JPH1: variants seen among roughly 807,000 people sequenced by gnomAD.
JPH1 encodes junctophilin-1.
A neutral mutation model predicts 53.6 loss-of-function variants in JPH1; 12 were observed. That is an observed-to-expected ratio of 0.22 (90% CI 0.14 to 0.36). The LOEUF (loss-of-function observed/expected upper bound fraction) is 0.36. Among genes scored for constraint, JPH1 ranks in the 10% least tolerant of loss-of-function variants. The pLI is 1.00. For missense variants in JPH1, 808 were observed against 905.5 expected, an observed-to-expected ratio of 0.89 and a Z score of 1.38; for synonymous variants, 375 against 363.8, an observed-to-expected ratio of 1.03 and a Z score of -0.35.
At chr8:74,293,149 G>A (rs1807388176) in intron 2 of JPH1, among the ~76,000 whole-genome samples, 1 of 152,132 alleles carries the variant, frequency 6.6e-6, no homozygotes, top group Non-Finnish European at 1.5e-5. Flanking sequence ...ATCTTTCTCA[G>A]AGACCTGAGA....
chr8:74,253,850 C>T (rs1033572843), intron 3 of JPH1, among the ~76,000 whole-genome samples: 16 of 152,074 alleles, frequency 1.1e-4, no homozygotes, highest in Non-Finnish European at 1.5e-4. Context: ...CAGGAAGAAG[C>T]TGAATCTCTG....
Position 74,315,553 on chromosome 8 carries a change from G to T in JPH1, c.447C>A (p.Tyr149Ter). Residue 149 changes from tyrosine (Y) to a stop codon, truncating the protein, a stop_gained, in exon 2 of 6, where the codon TAC (tyrosine) becomes TAA (stop). Coordinates refer to ENST00000342232, the MANE Select transcript of JPH1 (RefSeq NM_020647.4). LOFTEE classifies it high-confidence loss of function. This position sits in a 1 kb window ranked among gnomAD's most constrained non-coding sequence, Gnocchi z 6.3. Reference protein sequence around the residue: ...HGYGVRQSVPYGMATVIRSPL... With the variant: ...HGYGVRQSVP ...GTGAGCGGATCACCGTGGCCATGCC[G>T]TAGGGCACGCTCTGGCGCACGCCGT... 1.2e-6 allele frequency: 2 copies of T among 1,605,994 alleles called. No individual in the cohort carries two copies. Among genetic ancestry groups the T allele is most frequent in the South Asian group, 1.1e-5 (1 of 90,822 alleles).
Position 74,315,361 on chromosome 8 carries a change from C to T in JPH1, c.639G>A (p.Arg213=). The T allele has an allele frequency of 1.2e-6, 2 of 1,612,898 alleles. No homozygotes were observed. Among genetic ancestry groups the T allele is most frequent in the East Asian group, 4.5e-5 (2 of 44,874 alleles). Residue 213 remains arginine (R), a synonymous_variant, in exon 2 of 6, where the codon CGG becomes CGA. Coordinates refer to ENST00000342232, the MANE Select transcript of JPH1 (RefSeq NM_020647.4). This position sits in a 1 kb window ranked among gnomAD's most constrained non-coding sequence, Gnocchi z 6.3. ...LAGKKKGGLF[R]RGSLLGSMKL... is the part of the protein sequence containing the mutation. ...TCATGCTTCCAAGAAGGGAGCCCCT[C>T]CGGAAGAGGCCGCCCTTCTTCTTGC...
chr8:74,263,400 G>C (rs899592285), intron 2 of JPH1, among the ~76,000 whole-genome samples: 8 of 152,174 alleles, frequency 5.3e-5, no homozygotes, highest in Admixed American at 2.6e-4. Flanking sequence ...TTGATTCAGG[G>C]ACCGTCCTTG....
chr8:74,285,175 G>T lies in JPH1; in HGVS notation c.1140-25672C>A, dbSNP rs147458351. Among the ~76,000 whole-genome samples the T allele has an allele frequency of 3.9e-3, 597 of 152,048 alleles. 4 individuals are homozygous for T. The highest frequency in any genetic ancestry group is 0.014 in the African/African-American group (570 of 41,498). ...TTTTTTTAAACCAACAGGCATTATG[G>T]TGTTGTAAAGAGCCTTACACTCAAA... On this transcript the variant is annotated intron_variant, in intron 2 of 5. Transcript: ENST00000342232.
intron 2 of JPH1, among the ~76,000 whole-genome samples, chr8:74,288,138 A>C (rs1807222570): frequency 6.6e-6 from 1 of 152,170 alleles, no homozygotes; most frequent in Non-Finnish European, 1.5e-5. Context: ...TAAGTATTAC[A>C]CCAAAACAGA....
At position 74,315,670 on chromosome 8, in the gene JPH1, G is replaced by A. The variant is rs1278372974; in HGVS notation, c.380-50C>T. The A allele has an allele frequency of 2.6e-6, 4 of 1,522,114 alleles. No homozygotes were observed. The highest frequency in any genetic ancestry group is 3.5e-6 in the Non-Finnish European group (4 of 1,134,368). The allele number at this position is 1,522,114 out of a possible 1,614,324, so 94.3% of individuals were successfully genotyped here. On this transcript the variant is annotated intron_variant, in intron 1 of 5. Coordinates refer to ENST00000342232, the MANE Select transcript of JPH1 (RefSeq NM_020647.4). The surrounding 1 kb of genome is among the most constrained non-coding windows in gnomAD (Gnocchi z 6.3). Reference sequence around the variant, plus strand: ...CGTGAGTCGGGGGCAGAGCTGCACCGTCACCTGCACCATCCAGCGCACACT... The same window carrying A: ...CGTGAGTCGGGGGCAGAGCTGCACCATCACCTGCACCATCCAGCGCACACT...
intron 2 of JPH1, among the ~76,000 whole-genome samples, chr8:74,292,356 C>A (rs1254756398): frequency 6.6e-6 from 1 of 152,174 alleles, no homozygotes. Context: ...GCAGTGTCTA[C>A]TCAAGGAAGC....
At chr8:74,296,650 G>A (rs1807530519) in intron 2 of JPH1, among the ~76,000 whole-genome samples, 1 of 152,130 alleles carries the variant, frequency 6.6e-6, no homozygotes, top group South Asian at 2.1e-4. Flanking sequence ...GGTCTTTATA[G>A]CTGCTTGATT....
intron 2 of JPH1, among the ~76,000 whole-genome samples, chr8:74,284,015 G>C (rs16938851): frequency 0.02 from 3,023 of 152,280 alleles, 108 homozygotes; most frequent in African/African-American, 0.069. Context: ...AGGGGTGGCA[G>C]TGATTGCAAA....
chr8:74,300,780 CACA>C (rs1807658707), intron 2 of JPH1, among the ~76,000 whole-genome samples: 1 of 152,160 alleles, frequency 6.6e-6, no homozygotes, highest in African/African-American at 2.4e-5. Flanking sequence ...GAGAGGAATT[CACA>C]AAAGAGTAGA....
At chr8:74,295,218 T>G (rs4738442) in intron 2 of JPH1, among the ~76,000 whole-genome samples, 1 of 152,174 alleles carries the variant, frequency 6.6e-6, no homozygotes, top group African/African-American at 2.4e-5. Flanking sequence ...GAAGGTCTCT[T>G]GGTTCCTCTA....
chr8:74,265,088 T>A (rs776925987), intron 2 of JPH1, among the ~76,000 whole-genome samples: 4 of 152,186 alleles, frequency 2.6e-5, no homozygotes, highest in Non-Finnish European at 5.9e-5. Context: ...TGTATGTAAC[T>A]CATTATAGTG....
intron 3 of JPH1, among the ~76,000 whole-genome samples, chr8:74,251,695 A>G (rs1806068036): frequency 6.6e-6 from 1 of 152,138 alleles, no homozygotes; most frequent in South Asian, 2.1e-4. Flanking sequence ...TGCTTTTATA[A>G]TCAAGAGGCT....
chr8:74,242,398 A>G (rs1198029140), intron 4 of JPH1, among the ~76,000 whole-genome samples: 2 of 152,244 alleles, frequency 1.3e-5, no homozygotes, highest in Non-Finnish European at 2.9e-5. Flanking sequence ...TGAGGAAACC[A>G]AGGCACAGAG....
At chr8:74,276,030 A>G (rs1402870803) in intron 2 of JPH1, among the ~76,000 whole-genome samples, 1 of 152,232 alleles carries the variant, frequency 6.6e-6, no homozygotes, top group African/African-American at 2.4e-5. Flanking sequence ...AGAAGCACAC[A>G]TATAGCTCAT....
intron 2 of JPH1, among the ~76,000 whole-genome samples, chr8:74,281,464 A>T (rs2131419757): frequency 6.6e-6 from 1 of 152,366 alleles, no homozygotes; most frequent in South Asian, 2.1e-4. Flanking sequence ...CAATTATTTC[A>T]GTTGGACAGA....
At chr8:74,297,469 C>A (rs754075674) in intron 2 of JPH1, among the ~76,000 whole-genome samples, 2 of 152,204 alleles carry the variant, frequency 1.3e-5, no homozygotes, top group African/African-American at 2.4e-5. Context: ...CTCTTGTTCT[C>A]AAGCTGCATC....
At chr8:74,243,289 T>C (rs1193734423) in intron 4 of JPH1, among the ~76,000 whole-genome samples, 1 of 152,232 alleles carries the variant, frequency 6.6e-6, no homozygotes, top group African/African-American at 2.4e-5. Context: ...AAATGAATGC[T>C]TACTGAAGAG....
Sources: allele counts gnomAD v4.1 joint callset (sites outside exome capture counted in the v4.1 genomes callset), GRCh38; gene constraint gnomAD v4.1.1; non-coding constraint Gnocchi (gnomAD v3.1); transcripts MANE v1.5; gene names NCBI Gene and HGNC (gene_info 2026-07-23, HGNC 2026-07-21).